The following PPTC7 variants were observed in gnomAD, a reference collection of about 807,000 sequenced individuals.
The protein encoded by PPTC7 is protein phosphatase PTC7 homolog.
A neutral mutation model predicts 30.8 loss-of-function variants in PPTC7; 6 were observed. That is an observed-to-expected ratio of 0.19 (90% CI 0.11 to 0.38). The LOEUF is 0.38. PPTC7 is among the 10% of genes least tolerant of loss of function. PPTC7 has a pLI of 1.00. For missense variants in PPTC7, 218 were observed against 404.8 expected (o/e 0.54, Z 3.96); for synonymous variants, 163 against 168.1 (o/e 0.97, Z 0.23).
chr12:110,558,544 A>G (rs1487887207), intron 1 of PPTC7, among the ~76,000 whole-genome samples: 1 of 152,274 alleles, frequency 6.6e-6, no homozygotes, highest in Admixed American at 6.5e-5. Flanking sequence ...CTATTAGATT[A>G]AGATAATGGT....
intron 1 of PPTC7, among the ~76,000 whole-genome samples, chr12:110,552,974 G>C (rs1189814475): frequency 6.6e-6 from 1 of 151,966 alleles, no homozygotes; most frequent in East Asian, 2.0e-4. Flanking sequence ...CTGAGGTCAG[G>C]AGATCGAGAC....
intron 1 of PPTC7, among the ~76,000 whole-genome samples, chr12:110,567,172 C>T (rs1229509059): frequency 6.6e-6 from 1 of 152,218 alleles, no homozygotes; most frequent in Non-Finnish European, 1.5e-5. Flanking sequence ...ACACAGCTAA[C>T]CGTTGTTTCA....
chr12:110,554,451 T>A (rs768867047), intron 1 of PPTC7, among the ~76,000 whole-genome samples: 14 of 152,298 alleles, frequency 9.2e-5, no homozygotes, highest in Non-Finnish European at 1.6e-4. Flanking sequence ...AATGCTTGGA[T>A]TACAGGCGTG....
chr12:110,553,581 C>A (rs963698314), intron 1 of PPTC7, among the ~76,000 whole-genome samples: 17 of 152,068 alleles, frequency 1.1e-4, no homozygotes, highest in Non-Finnish European at 1.9e-4. Context: ...GAGTTCAAGA[C>A]CTGCTTGGAC....
rs1231218816 is a variant in PPTC7, at chr12:110,583,043, C to A, written c.-12G>T. On this transcript the variant is annotated 5_prime_UTR_variant, in exon 1 of 6. Transcript: ENST00000354300. Reference sequence around the variant, plus strand: ...AGGACCGAGAACATCGCCGCCGCCGCCCCCCCGAGGAGGCGGGGGGCCGGG... The same window carrying A: ...AGGACCGAGAACATCGCCGCCGCCGACCCCCCGAGGAGGCGGGGGGCCGGG... 1 of 1,389,104 alleles carries A rather than the reference C, an allele frequency of 7.2e-7. No homozygotes were observed. Among genetic ancestry groups the A allele is most frequent in the Non-Finnish European group, 9.2e-7 (1 of 1,081,592 alleles). 86.0% of individuals were successfully genotyped at this position (1,389,104 alleles called of 1,614,324 possible). A position where few individuals can be genotyped will look rare whatever the true frequency, so the allele number is the denominator to read the frequency against.
intron 1 of PPTC7, among the ~76,000 whole-genome samples, chr12:110,561,563 C>T (rs548254060): frequency 5.5e-4 from 83 of 152,174 alleles, no homozygotes; most frequent in Non-Finnish European, 8.1e-4. Context: ...TGATTGCCCC[C>T]CAACACAGCC....
In PPTC7 at chr12:110,545,869, G is replaced by A; in HGVS notation, c.602+11C>T. The A allele has an allele frequency of 6.2e-7, 1 of 1,612,622 alleles. No individual in the cohort carries two copies. Among genetic ancestry groups the A allele is most frequent in the Non-Finnish European group, 8.5e-7 (1 of 1,179,694 alleles). On this transcript the variant is annotated intron_variant, in intron 3 of 5. Coordinates refer to ENST00000354300, the MANE Select transcript of PPTC7 (RefSeq NM_139283.2). ...TCCTGCTCACACTTAATGGCTGAGA[G>A]GGGAGATTACCTGTCGCTCAAGACG...
intron 1 of PPTC7, among the ~76,000 whole-genome samples, chr12:110,574,381 C>T (rs1261727889): frequency 6.6e-6 from 1 of 151,550 alleles, no homozygotes; most frequent in Non-Finnish European, 1.5e-5. Context: ...CTATATAAAG[C>T]ACTAGAAGGA....
intron 1 of PPTC7, among the ~76,000 whole-genome samples, chr12:110,579,884 G>A (rs1240660859): frequency 2.0e-5 from 3 of 151,934 alleles, no homozygotes; most frequent in African/African-American, 7.3e-5. Context: ...GTGATGGCGC[G>A]CGCCTGTAAT....
At position 110,536,543 on chromosome 12, in the gene PPTC7, G is replaced by C. The variant is rs2064219222; in HGVS notation, c.*494C>G. The C allele has an allele frequency of 6.6e-6, 1 of 152,546 alleles. No individual in the cohort carries two copies. The highest frequency in any genetic ancestry group is 2.4e-5 in the African/African-American group (1 of 41,426). The allele number at this position is 152,546 out of a possible 1,614,324, so 9.4% of individuals were successfully genotyped here. Reference sequence around the variant, plus strand: ...TAGGAGTTTATAACAAAGACATAAAGCCACACCAATCATCATAACAAAGAC... The same window carrying C: ...TAGGAGTTTATAACAAAGACATAAACCCACACCAATCATCATAACAAAGAC... On this transcript the variant is annotated 3_prime_UTR_variant, in exon 6 of 6. Coordinates refer to ENST00000354300, the MANE Select transcript of PPTC7 (RefSeq NM_139283.2).
At chr12:110,539,259 A>C (rs1391260136) in intron 4 of PPTC7, among the ~76,000 whole-genome samples, 1 of 152,230 alleles carries the variant, frequency 6.6e-6, no homozygotes, top group Non-Finnish European at 1.5e-5. Flanking sequence ...AAATAATAAA[A>C]AAAAGAAAGA....
chr12:110,580,747 A>AT (rs1042797730), intron 1 of PPTC7, among the ~76,000 whole-genome samples: 4 of 150,838 alleles, frequency 2.7e-5, no homozygotes, highest in Admixed American at 2.6e-4. Context: ...TCGCATACAG[A>AT]TTTTTTATTT....
chr12:110,562,146 C>A (rs1253919006), intron 1 of PPTC7, among the ~76,000 whole-genome samples: 8 of 151,416 alleles, frequency 5.3e-5, no homozygotes, highest in Middle Eastern at 3.4e-3. Flanking sequence ...TTAGCCATGC[C>A]TGGTGGCGCA....
rs1256370212 is a variant in PPTC7 at position 110,535,374 on chromosome 12, A to G, written c.*1663T>C. 1 of 152,658 alleles carries G rather than the reference A, an allele frequency of 6.6e-6. No individual in the cohort carries two copies. Among genetic ancestry groups the G allele is most frequent in the African/African-American group, 2.4e-5 (1 of 41,456 alleles). 9.5% of individuals were successfully genotyped at this position (152,658 alleles called of 1,614,324 possible). Reference sequence around the variant, plus strand: ...AATGAATAACTCATTCTTATTATAAATGAAATGCCTGTTACAAGCATGATG... The same window carrying G: ...AATGAATAACTCATTCTTATTATAAGTGAAATGCCTGTTACAAGCATGATG... On this transcript the variant is annotated 3_prime_UTR_variant, in exon 6 of 6. Transcript: ENST00000354300.
At chr12:110,575,671 G>C (rs182027097) in intron 1 of PPTC7, among the ~76,000 whole-genome samples, 2 of 139,154 alleles carry the variant, frequency 1.4e-5, no homozygotes, top group Admixed American at 1.5e-4. Context: ...TCTACCTTCT[G>C]CTACAATTTA....
chr12:110,565,194 A>G (rs2064472746), intron 1 of PPTC7, among the ~76,000 whole-genome samples: 3 of 151,718 alleles, frequency 2.0e-5, no homozygotes, highest in Admixed American at 6.6e-5. Context: ...ACATTGTTCA[A>G]CTAAGTAATG....
At chr12:110,556,565 T>C (rs1393820096) in intron 1 of PPTC7, among the ~76,000 whole-genome samples, 1 of 152,150 alleles carries the variant, frequency 6.6e-6, no homozygotes, top group Non-Finnish European at 1.5e-5. Context: ...AAAGGGAAAT[T>C]TCATTCAGAA....
intron 5 of PPTC7, among the ~76,000 whole-genome samples, 189 bp from the exon 6 acceptor site, chr12:110,537,284 TAC>T (rs1207688808): frequency 6.6e-6 from 1 of 151,794 alleles, no homozygotes; most frequent in South Asian, 2.1e-4. Flanking sequence ...TCCAAGAAAT[TAC>T]ATGAAACTGA....
At chr12:110,568,127 G>T (rs948900993) in intron 1 of PPTC7, among the ~76,000 whole-genome samples, 17 of 152,044 alleles carry the variant, frequency 1.1e-4, no homozygotes, top group Non-Finnish European at 2.4e-4. Flanking sequence ...AACAGCTGTA[G>T]TTTTGGGGAT....
Sources: allele counts gnomAD v4.1 joint callset (sites outside exome capture counted in the v4.1 genomes callset), GRCh38; gene constraint gnomAD v4.1.1; transcripts MANE v1.5; gene names NCBI Gene and HGNC (gene_info 2026-07-23, HGNC 2026-07-21).